Variants in ATRNL1 observed in about 807,000 individuals in gnomAD.
The protein encoded by ATRNL1 is attractin-like protein 1.
A neutral mutation model predicts 182.7 loss-of-function variants in ATRNL1; 95 were observed. The ratio of observed to expected loss-of-function variants is 0.52; its 90% CI spans 0.44 to 0.62. The LOEUF is 0.62. ATRNL1 is among the 20% of genes least tolerant of loss of function. The probability of loss-of-function intolerance (pLI) is 0.00; values close to 1 mark genes in which losing one functional copy is unlikely to be tolerated. For synonymous variants in ATRNL1, 576 were observed against 568.3 expected, an observed-to-expected ratio of 1.01 and a Z score of -0.19; for missense variants, 1,471 against 1,679.5, an observed-to-expected ratio of 0.88 and a Z score of 2.17.
intron 27 of ATRNL1, 137 bp downstream of exon 27, chr10:115,727,492 C>T (rs782403710): frequency 4.5e-6 from 3 of 668,564 alleles, no homozygotes; most frequent in Non-Finnish European, 7.7e-6. Context: ...ATATGTTATG[C>T]CATTTTCAAG....
At chr10:115,872,639 G>T (rs1475828480) in intron 28 of ATRNL1, among the ~76,000 whole-genome samples, 1 of 152,148 alleles carries the variant, frequency 6.6e-6, no homozygotes, top group African/African-American at 2.4e-5. Context: ...CTTAAGCAAG[G>T]CTAAAAGTCA....
At chr10:115,448,714 A>C (rs1361550734) in intron 21 of ATRNL1, among the ~76,000 whole-genome samples, 2 of 152,142 alleles carry the variant, frequency 1.3e-5, no homozygotes, top group African/African-American at 4.8e-5. Context: ...ACAAAAAAAA[A>C]ACATTTAAAA....
chr10:115,782,525 G>T (rs1949289331), intron 27 of ATRNL1, among the ~76,000 whole-genome samples: 1 of 152,058 alleles, frequency 6.6e-6, no homozygotes, highest in South Asian at 2.1e-4. Context: ...TTATTAGGTG[G>T]CTGATTTCAT....
At chr10:115,908,646 T>A (rs1555115136) in intron 28 of ATRNL1, among the ~76,000 whole-genome samples, 1 of 152,314 alleles carries the variant, frequency 6.6e-6, no homozygotes, top group Admixed American at 6.5e-5. Context: ...TGAGGGGCCA[T>A]TATTTTGCCT....
intron 6 of ATRNL1, among the ~76,000 whole-genome samples, chr10:115,164,144 A>C (rs1007064324): frequency 2.6e-5 from 4 of 152,184 alleles, no homozygotes; most frequent in Admixed American, 6.5e-5. Flanking sequence ...AGCATAGAGT[A>C]TAAGCATTTG....
intron 27 of ATRNL1, among the ~76,000 whole-genome samples, chr10:115,811,910 G>A (rs1265771251): frequency 6.6e-6 from 1 of 151,952 alleles, no homozygotes; most frequent in Non-Finnish European, 1.5e-5. Flanking sequence ...TCAAAAATAG[G>A]AAGGTAAAAT....
intron 27 of ATRNL1, among the ~76,000 whole-genome samples, chr10:115,838,453 A>G (rs1463759938): frequency 1.3e-5 from 2 of 152,196 alleles, no homozygotes; most frequent in East Asian, 1.9e-4. Context: ...TCATCTCAGT[A>G]TTTGTATCAC....
At chr10:115,494,940 A>C (rs956394276) in intron 24 of ATRNL1, among the ~76,000 whole-genome samples, 1 of 151,868 alleles carries the variant, frequency 6.6e-6, no homozygotes, top group Non-Finnish European at 1.5e-5. Flanking sequence ...CAAATGATAT[A>C]TTTTGTCTGT....
chr10:115,124,495 A>C lies in ATRNL1; in HGVS notation c.491+2683A>C, dbSNP rs372277782. Among the ~76,000 whole-genome samples the C allele has an allele frequency of 7.9e-4, 121 of 152,250 alleles. 2 individuals carry two copies. In the South Asian group the frequency reaches 0.025, roughly 31 times the overall value. The stretch of plus-strand genomic sequence containing the variant: ...CAACAGGGAAGCTCATCTGAGCTTC[A>C]GGTGTCCAGAGTTTTATTGAAGTTT... On this transcript the variant is annotated intron_variant, in intron 3 of 28. Coordinates refer to ENST00000355044, the MANE Select transcript of ATRNL1 (RefSeq NM_207303.4).
At chr10:115,170,115 T>C (rs1197916623) in intron 7 of ATRNL1, among the ~76,000 whole-genome samples, 1 of 152,178 alleles carries the variant, frequency 6.6e-6, no homozygotes, top group Non-Finnish European at 1.5e-5. Context: ...CTTTCCAATC[T>C]GGATGTCTTT....
chr10:115,934,961 C>T (rs964184637), intron 28 of ATRNL1, among the ~76,000 whole-genome samples: 4 of 152,160 alleles, frequency 2.6e-5, no homozygotes, highest in Non-Finnish European at 5.9e-5. Context: ...TTTCCAGTAT[C>T]CAGAACACAC....
Position 115,173,513 on chromosome 10 carries a change from GT to G in ATRNL1, c.1348+2223del, listed in dbSNP as rs5788097. Reference sequence around the variant, plus strand: ...ATTGATTATATTGTTTAGGCCTTCTGTTACTGACTTAGTATTTTTTGTTCTT... The same window carrying G: ...ATTGATTATATTGTTTAGGCCTTCTGTACTGACTTAGTATTTTTTGTTCTT... On this transcript the variant is annotated intron_variant, in intron 8 of 28. Transcript: ENST00000355044. Among the ~76,000 whole-genome samples the G allele has an allele frequency of 7.2e-3, 1,094 of 151,920 alleles. 13 individuals carry two copies. The highest frequency in any genetic ancestry group is 0.026 in the African/African-American group (1,060 of 41,494).
intron 21 of ATRNL1, 145 bp from the exon 22 acceptor site, chr10:115,461,796 T>C (rs1349123619): frequency 2.4e-6 from 1 of 423,272 alleles, no homozygotes; most frequent in East Asian, 3.6e-5. Context: ...GACAAAGATT[T>C]GTATTTTGTT....
At chr10:115,457,545 T>C (rs1274121471) in intron 21 of ATRNL1, among the ~76,000 whole-genome samples, 1 of 149,492 alleles carries the variant, frequency 6.7e-6, no homozygotes, top group African/African-American at 2.6e-5. Flanking sequence ...TTCCTCAGTC[T>C]ATTTACTTTC....
At chr10:115,827,939 A>T (rs1440567758) in intron 27 of ATRNL1, among the ~76,000 whole-genome samples, 1 of 152,120 alleles carries the variant, frequency 6.6e-6, no homozygotes, top group African/African-American at 2.4e-5. Flanking sequence ...GACCACAGAG[A>T]ACTGCAGCAG....
chr10:115,567,662 G>A (rs1555002306), intron 26 of ATRNL1, among the ~76,000 whole-genome samples: 1 of 151,964 alleles, frequency 6.6e-6, no homozygotes, highest in East Asian at 1.9e-4. Context: ...ATGTTGATTT[G>A]TAATTTTAGA....
chr10:115,747,636 C>T (rs1488566877), intron 27 of ATRNL1, among the ~76,000 whole-genome samples: 1 of 151,998 alleles, frequency 6.6e-6, no homozygotes, highest in African/African-American at 2.4e-5. Flanking sequence ...GGAATGACAG[C>T]CTTCTTTTCC....
At position 115,330,596 on chromosome 10, in the gene ATRNL1, G is replaced by A. The variant is rs146048590; in HGVS notation, c.3038-3686G>A. On this transcript the variant is annotated intron_variant, in intron 18 of 28. Coordinates refer to ENST00000355044, the MANE Select transcript of ATRNL1 (RefSeq NM_207303.4). ...TTGTTGTCTTTGAATATGTCATCCC[G>A]CTCTCTCTTGGCCTGTGGGGTTTCT... is the stretch of plus-strand genomic sequence containing the variant. Among the ~76,000 whole-genome samples, 104 of 150,152 alleles carry A rather than the reference G, an allele frequency of 6.9e-4. 1 individual carries two copies. The highest frequency in any genetic ancestry group is 2.1e-3 in the African/African-American group (86 of 40,908).
rs527602974 is a variant in ATRNL1 at position 115,464,484 on chromosome 10, C to G, written c.3417+2449C>G. Reference sequence around the variant, plus strand: ...ATGTTCTAAATCACTGATTTTATCACTTACTGGAATAACTACAGTGTCACT... The same window carrying G: ...ATGTTCTAAATCACTGATTTTATCAGTTACTGGAATAACTACAGTGTCACT... On this transcript the variant is annotated intron_variant, in intron 22 of 28. Coordinates refer to ENST00000355044, the MANE Select transcript of ATRNL1 (RefSeq NM_207303.4). Among the ~76,000 whole-genome samples, 4 of 152,050 alleles carry G rather than the reference C, an allele frequency of 2.6e-5. No homozygotes were observed. In the South Asian group the frequency reaches 8.3e-4, roughly 31 times the overall value.
Sources: gnomAD v4.1 joint callset for allele counts (sites outside exome capture counted in the v4.1 genomes callset) on GRCh38, gnomAD v4.1.1 for gene constraint, MANE v1.5 for transcripts, NCBI Gene and HGNC (gene_info 2026-07-23, HGNC 2026-07-21) for gene names.